The following ZFYVE27 variants were observed in gnomAD, a reference collection of about 807,000 sequenced individuals.
ZFYVE27 encodes the protein protrudin.
In ZFYVE27, 36 loss-of-function variants were observed where a neutral mutation model predicts 52.8. The ratio of observed to expected loss-of-function variants is 0.68; its 90% confidence interval spans 0.52 to 0.90. The LOEUF is 0.90. Among genes scored for constraint, ZFYVE27 ranks in the 40% least tolerant of loss-of-function variants. The probability of loss-of-function intolerance (pLI) is 0.00; values close to 1 mark genes in which losing one functional copy is unlikely to be tolerated. For synonymous variants in ZFYVE27, 223 were observed against 215.6 expected (o/e 1.03, Z -0.30); for missense variants, 450 against 527.2 (o/e 0.85, Z 1.43).
chr10:97,750,192 C>G, intron 6 of ZFYVE27, 139 bp from the exon 7 acceptor site: 4 of 1,060,590 alleles, frequency 3.8e-6, no homozygotes, highest in Non-Finnish European at 5.6e-6. Flanking sequence ...AGTTAGGTGA[C>G]TCGCTCAGAG....
At chr10:97,748,714 CTTATCA>C (rs749176818) in intron 5 of ZFYVE27, among the ~76,000 whole-genome samples, 1 of 152,280 alleles carries the variant, frequency 6.6e-6, no homozygotes, top group South Asian at 2.1e-4. Context: ...TTGTTTTCCA[CTTATCA>C]TTATATTAAA....
At chr10:97,742,278 T>C (rs769907947) in intron 2 of ZFYVE27, among the ~76,000 whole-genome samples, 35 of 152,030 alleles carry the variant, frequency 2.3e-4, no homozygotes, top group Non-Finnish European at 4.6e-4. Context: ...CATTGTTGCA[T>C]CTGTGCTCCT....
intron 4 of ZFYVE27, among the ~76,000 whole-genome samples, chr10:97,746,618 C>T (rs1055496213): frequency 1.3e-5 from 2 of 151,818 alleles, no homozygotes; most frequent in Admixed American, 6.6e-5. Flanking sequence ...ATGTATAATT[C>T]GTAATCGGAT....
chr10:97,760,649 A>AG lies in ZFYVE27; in HGVS notation c.*1352dup, dbSNP rs1205459645. The AG allele has an allele frequency of 6.6e-6, 1 of 152,296 alleles. No homozygotes were observed. Among genetic ancestry groups the AG allele is most frequent in the Non-Finnish European group, 1.5e-5 (1 of 68,160 alleles). 9.4% of individuals were successfully genotyped at this position (152,296 alleles called of 1,614,324 possible). On this transcript the variant is annotated 3_prime_UTR_variant, in exon 13 of 13. Transcript: ENST00000684270. ...TCCAGAGAGGCAGGCTGGGGAGGCA[A>AG]GGGACCCATCCTAGGCCCGCTTTCT... is the stretch of plus-strand genomic sequence containing the variant.
intron 12 of ZFYVE27, chr10:97,757,948 T>G: frequency 3.9e-6 from 2 of 517,868 alleles, no homozygotes; most frequent in Non-Finnish European, 6.9e-6. Flanking sequence ...ACAAGATGAA[T>G]ACCTGTGGCT....
intron 11 of ZFYVE27, 92 bp downstream of exon 11, chr10:97,757,403 C>G (rs2048638363): frequency 6.3e-7 from 1 of 1,584,484 alleles, no homozygotes; most frequent in African/African-American, 1.3e-5. Flanking sequence ...GAAAGTCTGG[C>G]TCGGGTCACA....
intron 2 of ZFYVE27, 104 bp downstream of exon 2, chr10:97,738,778 C>A: frequency 2.9e-6 from 4 of 1,362,552 alleles, no homozygotes; most frequent in Non-Finnish European, 4.2e-6. Context: ...GTCCTTTCTG[C>A]CCTAGTGAGG....
chr10:97,757,221 G>A (rs374761990), intron 10 of ZFYVE27, 44 bp from the exon 11 acceptor site: 2 of 1,613,994 alleles, frequency 1.2e-6, no homozygotes, highest in South Asian at 1.1e-5. Flanking sequence ...GAGCGTGAGA[G>A]TCCTGGGATG....
Position 97,738,565 on chromosome 10 carries a change from AC to A in ZFYVE27, c.90del (p.Lys31SerfsTer24). ...EAPLESPPFP[T>X]KSPAFDLFNL... ...TCCCCTGGAGTCTCCACCTTTTCCT[AC>A]CAAGTCCCCAGCGTTTGACCTTTTC... On this transcript the variant is annotated frameshift_variant, in exon 2 of 13. Transcript: ENST00000684270. LOFTEE classifies it high-confidence loss of function. The A allele has an allele frequency of 1.2e-6, 2 of 1,614,132 alleles. No individual in the cohort carries two copies. The highest frequency in any genetic ancestry group is 1.7e-6 in the Non-Finnish European group (2 of 1,180,034).
At chr10:97,745,160 T>C (rs1414657661) in intron 4 of ZFYVE27, among the ~76,000 whole-genome samples, 1 of 134,862 alleles carries the variant, frequency 7.4e-6, no homozygotes, top group Non-Finnish European at 1.6e-5. Flanking sequence ...CTGTTTGTTT[T>C]CACAGCTTCT....
At chr10:97,738,455 T>C (rs773286044) in intron 1 of ZFYVE27, 22 bp from the exon 2 acceptor site, 4 of 1,613,052 alleles carry the variant, frequency 2.5e-6, no homozygotes, top group Middle Eastern at 1.8e-4. Flanking sequence ...AATGCAAATG[T>C]TGGGAATTAT....
chr10:97,744,960 C>T (rs1590025364), intron 4 of ZFYVE27, 45 bp downstream of exon 4: 1 of 1,539,022 alleles, frequency 6.5e-7, no homozygotes, highest in Admixed American at 2.0e-5. Flanking sequence ...ACAGTAACAG[C>T]AGCCATGACA....
In ZFYVE27 at chr10:97,744,887, C is replaced by G; in HGVS notation, c.427C>G (p.Pro143Ala). The change falls in exon 4 of 13, where the codon CCC becomes GCC. Residue 143 changes from proline (P) to alanine (A), a missense_variant. By Grantham distance (27) the Pro-to-Ala change is conservative (BLOSUM62 -1). Transcript: ENST00000684270. ...EDLQRGRLSR[P>A]EAVAEVKSFL... The stretch of plus-strand genomic sequence containing the variant: ...CCTGCAGAGAGGTCGCCTGTCTCGT[C>G]CCGAGGCCGTGGCTGAGGTGAAGAG... 6.3e-7 allele frequency: 1 copy of G among 1,599,280 alleles called. No homozygotes were observed. The highest frequency in any genetic ancestry group is 1.1e-5 in the South Asian group (1 of 89,588).
intron 2 of ZFYVE27, among the ~76,000 whole-genome samples, chr10:97,740,392 G>T (rs1020264594): frequency 3.3e-5 from 5 of 152,210 alleles, no homozygotes; most frequent in Non-Finnish European, 5.9e-5. Context: ...ATGAGGAGAG[G>T]CTGTTTTCTC....
At chr10:97,746,344 A>G (rs904236650) in intron 4 of ZFYVE27, among the ~76,000 whole-genome samples, 1 of 152,128 alleles carries the variant, frequency 6.6e-6, no homozygotes, top group African/African-American at 2.4e-5. Flanking sequence ...CACCGCACCC[A>G]GCCTGAAATA....
chr10:97,747,742 C>T (rs1222126721), intron 4 of ZFYVE27, among the ~76,000 whole-genome samples: 1 of 152,132 alleles, frequency 6.6e-6, no homozygotes, highest in Non-Finnish European at 1.5e-5. Context: ...CTGCCCCAGC[C>T]CTGGAATCAG....
chr10:97,750,800 G>A (rs904076168), intron 7 of ZFYVE27, among the ~76,000 whole-genome samples: 1 of 151,236 alleles, frequency 6.6e-6, no homozygotes, highest in Non-Finnish European at 1.5e-5. Context: ...GAGGGCAGTG[G>A]GGCAATCACA....
At chr10:97,758,781 T>C (rs967212333) in intron 12 of ZFYVE27, among the ~76,000 whole-genome samples, 2 of 151,818 alleles carry the variant, frequency 1.3e-5, no homozygotes, top group African/African-American at 4.8e-5. Flanking sequence ...CTGTGATATT[T>C]TACTTATTCT....
chr10:97,743,007 G>C, intron 2 of ZFYVE27, 87 bp from the exon 3 acceptor site: 1 of 1,438,068 alleles, frequency 7.0e-7, no homozygotes, highest in Non-Finnish European at 9.8e-7. Flanking sequence ...TCCTCTTCTG[G>C]TTTGATGTCC....
Sources: gnomAD v4.1 joint callset for allele counts (sites outside exome capture counted in the v4.1 genomes callset) on GRCh38, gnomAD v4.1.1 for gene constraint, MANE v1.5 for transcripts, NCBI Gene and HGNC (gene_info 2026-07-23, HGNC 2026-07-21) for gene names.